TENM2: variants seen among roughly 807,000 people sequenced by gnomAD.
TENM2 encodes teneurin transmembrane protein 2.
Under a neutral mutation model 245.2 loss-of-function variants are expected in TENM2, and 52 were observed. The ratio of observed to expected loss-of-function variants is 0.21; its 90% CI spans 0.17 to 0.27. TENM2 has a LOEUF of 0.27. TENM2 is among the 10% of genes least tolerant of loss of function. TENM2 has a pLI of 1.00. For missense variants in TENM2, 3,046 were observed against 3,666.8 expected (o/e 0.83, Z 4.37); for synonymous variants, 1,363 against 1,438.9 (o/e 0.95, Z 1.19).
chr5:167,066,032 A>G, the TENM2 span, among the ~76,000 whole-genome samples: 2 of 152,032 alleles, frequency 1.3e-5, no homozygotes, highest in Middle Eastern at 3.2e-3. Flanking sequence ...ATCTCTTTTC[A>G]CTTGCTCACT....
chr5:168,254,178 A>G (rs11743857), intron 27 of TENM2, among the ~76,000 whole-genome samples: 66,989 of 151,816 alleles, frequency 0.44, 16,738 homozygotes, highest in South Asian at 0.59. Context: ...CGCTGTGAAG[A>G]ACGTGAGAAG....
At chr5:167,600,423 T>C (rs1776559802) in intron 2 of TENM2, among the ~76,000 whole-genome samples, 1 of 152,148 alleles carries the variant, frequency 6.6e-6, no homozygotes, top group Non-Finnish European at 1.5e-5. Flanking sequence ...CTAAATAAAA[T>C]CTATGCTACT....
At chr5:167,875,560 T>C (rs773077131) in intron 2 of TENM2, among the ~76,000 whole-genome samples, 71 of 152,106 alleles carry the variant, frequency 4.7e-4, no homozygotes, top group Non-Finnish European at 9.3e-4. Context: ...TTCCTCACCT[T>C]AAAATTTCAT....
intron 2 of TENM2, among the ~76,000 whole-genome samples, chr5:167,486,857 G>A (rs1000068857): frequency 6.6e-6 from 1 of 151,984 alleles, no homozygotes; most frequent in Non-Finnish European, 1.5e-5. Context: ...TGTGTTCCAT[G>A]GACACTTGTT....
chr5:167,283,436 G>T (rs1302895902), upstream of TENM2, among the ~76,000 whole-genome samples: 1 of 151,936 alleles, frequency 6.6e-6, no homozygotes, highest in Non-Finnish European at 1.5e-5. Flanking sequence ...TGGGGGAGGG[G>T]GTCCCTGAGA....
intron 3 of TENM2, chr5:167,952,335 T>A: frequency 1.7e-6 from 1 of 580,822 alleles, no homozygotes; most frequent in Non-Finnish European, 3.1e-6. Context: ...TCAGCCCTTA[T>A]CCACCTGGTT....
intron 5 of TENM2, among the ~76,000 whole-genome samples, chr5:167,994,975 G>A (rs975953147): frequency 2.6e-5 from 4 of 152,184 alleles, no homozygotes; most frequent in Admixed American, 1.3e-4. Flanking sequence ...ATGTGCCTTC[G>A]GGGTCTTTTC....
chr5:167,999,807 G>A (rs946055970), intron 5 of TENM2, among the ~76,000 whole-genome samples: 2 of 152,210 alleles, frequency 1.3e-5, no homozygotes, highest in Admixed American at 6.5e-5. Flanking sequence ...CTGGTGATGA[G>A]AGCCAGGAAA....
chr5:168,190,618 T>C, intron 14 of TENM2, 71 bp downstream of exon 16: 2 of 1,419,646 alleles, frequency 1.4e-6, no homozygotes, highest in Non-Finnish European at 1.9e-6. Context: ...GAGGCAGTTC[T>C]CCAGCTTTCC....
intron 1 of TENM2, among the ~76,000 whole-genome samples, chr5:167,300,784 A>G (rs1479649506): frequency 6.6e-6 from 1 of 152,032 alleles, no homozygotes; most frequent in Non-Finnish European, 1.5e-5. Flanking sequence ...CTTTGAACTG[A>G]GGGAAAAGGC....
the TENM2 span, among the ~76,000 whole-genome samples, chr5:166,981,573 G>A: frequency 6.6e-6 from 1 of 152,160 alleles, no homozygotes; most frequent in Non-Finnish European, 1.5e-5. Context: ...ACACACATGT[G>A]TAGGAAAAGA....
At chr5:167,162,664 T>C in the TENM2 span, among the ~76,000 whole-genome samples, 1 of 151,354 alleles carries the variant, frequency 6.6e-6, no homozygotes, top group South Asian at 2.1e-4. Context: ...AAAAACCTCC[T>C]TAGGACTGGG....
Position 167,562,648 on chromosome 5 carries a change from C to T in TENM2, c.502+187175C>T, listed in dbSNP as rs369906962. Among the ~76,000 whole-genome samples the T allele has an allele frequency of 3.9e-5, 6 of 152,246 alleles. No individual in the cohort carries two copies. In the South Asian group the frequency reaches 8.3e-4, roughly 21 times the overall value. ...TTCAAATGGAAGCCTGTGACTGCTGCTTGGCCAACCTTGTGATCAGTCAAA... is the reference window on the plus strand; with the variant it reads ...TTCAAATGGAAGCCTGTGACTGCTGTTTGGCCAACCTTGTGATCAGTCAAA... On this transcript the variant is annotated intron_variant, in intron 2 of 28. Transcript: ENST00000518659.
chr5:168,222,916 C>T lies in TENM2; in HGVS notation c.5109-3172C>T, dbSNP rs577030248. Among the ~76,000 whole-genome samples, 24 of 152,312 alleles carry T rather than the reference C, an allele frequency of 1.6e-4. No individual in the cohort carries two copies. The South Asian group carries it at 5.0e-3, about 32-fold the overall frequency. On this transcript the variant is annotated intron_variant, in intron 23 of 28. Transcript: ENST00000518659. ...AACTGTGTTTGGCACATCACAGGTG[C>T]TTGATGAATATTTATTGACTACATA...
chr5:167,485,049 T>G (rs898652063), intron 2 of TENM2, among the ~76,000 whole-genome samples: 1 of 152,242 alleles, frequency 6.6e-6, no homozygotes, highest in Non-Finnish European at 1.5e-5. Context: ...AATTTTACTT[T>G]AGGCAGCTTA....
chr5:167,396,508 G>T (rs1762063616), intron 2 of TENM2, among the ~76,000 whole-genome samples: 1 of 152,160 alleles, frequency 6.6e-6, no homozygotes, highest in Admixed American at 6.6e-5. Context: ...GTGAATGACA[G>T]CAAGAATAAG....
chr5:167,326,872 A>G (rs1223195258), intron 1 of TENM2, among the ~76,000 whole-genome samples: 1 of 151,812 alleles, frequency 6.6e-6, no homozygotes, highest in East Asian at 1.9e-4. Flanking sequence ...TGATGAAGAA[A>G]TAGTTTCTGT....
At chr5:168,197,097 C>T (rs558028696) in intron 15 of TENM2, among the ~76,000 whole-genome samples, 6 of 152,216 alleles carry the variant, frequency 3.9e-5, no homozygotes, top group Non-Finnish European at 5.9e-5. Context: ...AATTTTACTT[C>T]AAGACATTTG....
the TENM2 span, among the ~76,000 whole-genome samples, chr5:167,271,736 C>A: frequency 1.3e-5 from 2 of 152,134 alleles, no homozygotes; most frequent in African/African-American, 4.8e-5. Context: ...TTAACAGATT[C>A]TAAAAGGCAG....
Sources: allele counts gnomAD v4.1 joint callset (sites outside exome capture counted in the v4.1 genomes callset), GRCh38; gene constraint gnomAD v4.1.1; transcripts MANE v1.5; gene names NCBI Gene and HGNC (gene_info 2026-07-23, HGNC 2026-07-21).